Variants in SCYL1 observed in about 807,000 individuals in gnomAD.
SCYL1 encodes SCY1 like pseudokinase 1.
Under a neutral mutation model 94.8 loss-of-function variants are expected in SCYL1, and 85 were observed. The ratio of observed to expected loss-of-function variants is 0.90; its 90% CI spans 0.75 to 1.07. The LOEUF (loss-of-function observed/expected upper bound fraction) is 1.07. SCYL1 is among the 50% of genes least tolerant of loss of function. The pLI, the probability that SCYL1 is intolerant of heterozygous loss-of-function variation, is 0.00. For synonymous variants in SCYL1, 459 were observed against 435.5 expected (o/e 1.05, Z -0.67); for missense variants, 968 against 1,083.3 (o/e 0.89, Z 1.49).
Position 65,525,616 on chromosome 11 carries a change from C to T in SCYL1, c.154C>T (p.Pro52Ser). The T allele has an allele frequency of 6.2e-7, 1 of 1,612,784 alleles. No homozygotes were observed. Among genetic ancestry groups the T allele is most frequent in the Non-Finnish European group, 8.5e-7 (1 of 1,179,962 alleles). The change falls in exon 2 of 18, where the codon CCT becomes TCT. Residue 52 changes from proline (P) to serine (S), a missense_variant. By Grantham distance (74) the Pro-to-Ser change is moderately conservative. Coordinates refer to ENST00000270176, the MANE Select transcript of SCYL1 (RefSeq NM_020680.4). ...PVSIFVYDVK[P>S]GAEEQTQVAK... ...GTCCATCTTCGTCTATGATGTGAAG[C>T]CTGGCGCGGAAGAGCAGACCCAGGT...
At position 65,536,691 on chromosome 11, in the gene SCYL1, G is replaced by A. The variant is rs1412986220; in HGVS notation, c.1757G>A (p.Arg586His). 2 of 1,613,314 alleles carry A rather than the reference G, an allele frequency of 1.2e-6. No individual in the cohort carries two copies. The highest frequency in any genetic ancestry group is 8.5e-7 in the Non-Finnish European group (1 of 1,179,378). The change falls in exon 13 of 18, where the codon CGT becomes CAT. Residue 586 changes from arginine (R) to histidine (H), a missense_variant. Physicochemically the swap from Arg to His is conservative, Grantham distance 29. Transcript: ENST00000270176. ...TCCTCACTCACCTCCAAGCTGATCC[G>A]TTCGCACCCAACCACTGCCCCAACA... ...GVSSLTSKLI[R>H]SHPTTAPTET...
At chr11:65,535,619 T>TC (rs745720961) in intron 10 of SCYL1, 1 of 615,004 alleles carries the variant, frequency 1.6e-6, no homozygotes, top group Non-Finnish European at 2.8e-6. Flanking sequence ...GTGCATCCCT[T>TC]CAGCCAGGGT....
intron 6 of SCYL1, 30 bp from the exon 7 acceptor site, chr11:65,530,599 C>G (rs1565072116): frequency 6.3e-7 from 1 of 1,598,120 alleles, no homozygotes; most frequent in Non-Finnish European, 8.5e-7. Context: ...AGGCTGATCT[C>G]TTCCCCGGGT....
In SCYL1 at chr11:65,538,330, T is replaced by C. The variant is rs760648668; in HGVS notation, c.2302+6T>C. On this transcript the variant is annotated splice_donor_region_variant and intron_variant, in intron 17 of 17. Transcript: ENST00000270176. ...GGGCCTCGAGACTGACAGTCGTAAGTGCTTCCCCTGGGTGGGCTGAAGACT... is the reference window on the plus strand; with the variant it reads ...GGGCCTCGAGACTGACAGTCGTAAGCGCTTCCCCTGGGTGGGCTGAAGACT... 1.9e-6 allele frequency: 3 copies of C among 1,546,954 alleles called. No individual in the cohort carries two copies. The highest frequency in any genetic ancestry group is 2.6e-6 in the Non-Finnish European group (3 of 1,144,442).
In SCYL1 at chr11:65,527,055, G is replaced by T; in HGVS notation, c.787G>T (p.Ala263Ser). The change falls in exon 6 of 18, where the codon GCA becomes TCA. Residue 263 changes from alanine (A) to serine (S), a missense_variant. Coordinates refer to ENST00000270176, the MANE Select transcript of SCYL1 (RefSeq NM_020680.4). ...NPARFLQNCR[A>S]PGGFMSNRFV... The stretch of plus-strand genomic sequence containing the variant: ...AGCCCGCTTCCTGCAGAACTGCCGG[G>T]CACCTGGTGGCTTCATGAGCAACCG... 6.2e-7 allele frequency: 1 copy of T among 1,613,592 alleles called. No homozygotes were observed. The highest frequency in any genetic ancestry group is 8.5e-7 in the Non-Finnish European group (1 of 1,180,008).
chr11:65,537,841 C>G lies in SCYL1; in HGVS notation c.1992C>G (p.Asp664Glu), dbSNP rs768330341. ...CCGAGTCTGTGCTGGCCCAGCAGGA[C>G]GACTGGAGCACCGGGGGCCAAGTGA... ...QEAESVLAQQ[D>E]DWSTGGQVSR... The change falls in exon 15 of 18, where the codon GAC becomes GAG. Residue 664 changes from aspartate (D) to glutamate (E), a missense_variant. Transcript: ENST00000270176. 1 of 1,573,018 alleles carries G rather than the reference C, an allele frequency of 6.4e-7. No homozygotes were observed. Among genetic ancestry groups the G allele is most frequent in the Non-Finnish European group, 8.6e-7 (1 of 1,158,826 alleles).
intron 8 of SCYL1, among the ~76,000 whole-genome samples, chr11:65,531,910 C>A (rs1028712392): frequency 1.7e-4 from 26 of 152,224 alleles, no homozygotes; most frequent in African/African-American, 6.3e-4. Context: ...CTAATGCCCC[C>A]TCCTCTCCTG....
In SCYL1 at chr11:65,538,031, A is replaced by C; in HGVS notation, c.2096A>C (p.Glu699Ala). ...TCCGACTGGAGCAGCTGGGAAGCTG[A>C]GGGCTCCTGGGAACAGGGCTGGCAG... ...PESDWSSWEA[E>A]GSWEQGWQEP... The change falls in exon 16 of 18, where the codon GAG becomes GCG. Residue 699 changes from glutamate to alanine, a missense_variant. Physicochemically the swap from Glu to Ala is moderately radical, Grantham distance 107 (BLOSUM62 -1). This residue lies in a region of SCYL1 where 474 missense variants were observed against 463.6 expected (regional missense o/e 1.02). Transcript: ENST00000270176. 6.2e-7 allele frequency: 1 copy of C among 1,612,552 alleles called. No individual in the cohort carries two copies. Among genetic ancestry groups the C allele is most frequent in the South Asian group, 1.1e-5 (1 of 90,792 alleles).
intron 7 of SCYL1, among the ~76,000 whole-genome samples, chr11:65,531,060 C>T (rs1269221649): frequency 6.6e-6 from 1 of 152,118 alleles, no homozygotes. Context: ...GTTCCCAGGG[C>T]CCAGGGGATT....
At chr11:65,528,497 G>A (rs572159835) in intron 6 of SCYL1, among the ~76,000 whole-genome samples, 40 of 151,730 alleles carry the variant, frequency 2.6e-4, no homozygotes, top group Non-Finnish European at 2.8e-4. Flanking sequence ...GGTGGCTCCC[G>A]CCTGTAAACC....
chr11:65,525,136 G>A lies in SCYL1; in HGVS notation c.-18G>A. On this transcript the variant is annotated 5_prime_UTR_variant, in exon 1 of 18. Transcript: ENST00000270176. ...ACCCGGAGCTAAGGCGCCCGAACCC[G>A]CGGCGGCGGTGGGGACGATGTGGTT... 1.5e-6 allele frequency: 2 copies of A among 1,310,632 alleles called. No homozygotes were observed. Among genetic ancestry groups the A allele is most frequent in the South Asian group, 2.2e-5 (1 of 46,432 alleles). 81.2% of individuals were successfully genotyped at this position (1,310,632 alleles called of 1,614,324 possible).
chr11:65,537,156 G>A (rs1235776733), intron 14 of SCYL1, 28 bp downstream of exon 14: 2 of 1,612,856 alleles, frequency 1.2e-6, no homozygotes. Flanking sequence ...AGCCTCCCCA[G>A]GGGACCCCAG....
Position 65,526,951 on chromosome 11 carries a change from C to G in SCYL1, c.694-11C>G, listed in dbSNP as rs376257766. The G allele has an allele frequency of 6.2e-7, 1 of 1,611,038 alleles. No homozygotes were observed. Among genetic ancestry groups the G allele is most frequent in the East Asian group, 2.2e-5 (1 of 44,788 alleles). ...GCTACCCCTGCCCTGACACTGACCC[C>G]TCCCCTACAGATCCCCAAAACGCTG... On this transcript the variant is annotated splice_polypyrimidine_tract_variant and intron_variant, in intron 5 of 17. Transcript: ENST00000270176. This position sits in a 1 kb window ranked among gnomAD's most constrained non-coding sequence, Gnocchi z 4.1.
At chr11:65,528,223 ACC>A (rs1855187953) in intron 6 of SCYL1, among the ~76,000 whole-genome samples, 1 of 151,888 alleles carries the variant, frequency 6.6e-6, no homozygotes, top group African/African-American at 2.4e-5. Flanking sequence ...CGGGTGGATC[ACC>A]TGAGGTCGGG....
chr11:65,529,025 G>T (rs1855235045), intron 6 of SCYL1, among the ~76,000 whole-genome samples: 1 of 152,194 alleles, frequency 6.6e-6, no homozygotes, highest in Admixed American at 6.5e-5. Context: ...GGCCTGCAGG[G>T]TTGCTGTAGG....
In SCYL1 at chr11:65,538,605, C is replaced by G; in HGVS notation, c.*39C>G. 1.3e-6 allele frequency: 2 copies of G among 1,593,896 alleles called. No individual in the cohort carries two copies. Among genetic ancestry groups the G allele is most frequent in the South Asian group, 1.1e-5 (1 of 89,074 alleles). On this transcript the variant is annotated 3_prime_UTR_variant, in exon 18 of 18. Coordinates refer to ENST00000270176, the MANE Select transcript of SCYL1 (RefSeq NM_020680.4). ...CCCTTCCCGGCTGCGGAGAGCCCGC[C>G]CCACAGATGTATTTATTGTACAAAC...
Position 65,532,865 on chromosome 11 carries a change from C to T in SCYL1, c.1230+60C>T, listed in dbSNP as rs1238297201. 7.7e-6 allele frequency: 10 copies of T among 1,301,954 alleles called. No homozygotes were observed. In the African/African-American group the frequency reaches 1.3e-4, roughly 17 times the overall value. 80.7% of individuals were successfully genotyped at this position (1,301,954 alleles called of 1,614,324 possible). On this transcript the variant is annotated intron_variant, in intron 9 of 17. Coordinates refer to ENST00000270176, the MANE Select transcript of SCYL1 (RefSeq NM_020680.4). The stretch of plus-strand genomic sequence containing the variant: ...GTTTTCCAAGGCTTGGAGGGGCTCA[C>T]CCTAGACACAGAGGCCTTGGCTTTG...
chr11:65,536,455 C>G, intron 12 of SCYL1, 121 bp downstream of exon 12: 1 of 1,410,556 alleles, frequency 7.1e-7, no homozygotes, highest in Non-Finnish European at 9.8e-7. Flanking sequence ...CTCAGCTCCC[C>G]CTTCACAGAT....
At position 65,525,187 on chromosome 11, in the gene SCYL1, T is replaced by C; in HGVS notation, c.34T>C (p.Phe12Leu). ...WFFARDPVRDFPFELIPEPPE... is the reference protein window; with the variant it reads ...WFFARDPVRDLPFELIPEPPE... ...CTTTGCCCGGGACCCGGTCCGGGACTTTCCGTTCGAGCTCATCCCGGAGCC... is the reference window on the plus strand; with the variant it reads ...CTTTGCCCGGGACCCGGTCCGGGACCTTCCGTTCGAGCTCATCCCGGAGCC... Residue 12 changes from phenylalanine (F) to leucine (L), a missense_variant, in exon 1 of 18, where the codon TTT (phenylalanine) becomes CTT (leucine). Physicochemically the swap from Phe to Leu is conservative, Grantham distance 22. Coordinates refer to ENST00000270176, the MANE Select transcript of SCYL1 (RefSeq NM_020680.4). 6.9e-7 allele frequency: 1 copy of C among 1,449,528 alleles called. No individual in the cohort carries two copies. The highest frequency in any genetic ancestry group is 9.1e-7 in the Non-Finnish European group (1 of 1,096,160). The allele number at this position is 1,449,528 out of a possible 1,614,324, so 89.8% of individuals were successfully genotyped here.
Sources: gnomAD v4.1 joint callset for allele counts (sites outside exome capture counted in the v4.1 genomes callset) on GRCh38, gnomAD v4.1.1 for gene constraint, gnomAD v4.1.1 regional missense constraint, Gnocchi (gnomAD v3.1) non-coding constraint, MANE v1.5 for transcripts, NCBI Gene and HGNC (gene_info 2026-07-23, HGNC 2026-07-21) for gene names.